TMTC1: variants seen among roughly 807,000 people sequenced by gnomAD.
The protein encoded by TMTC1 is protein O-mannosyl-transferase TMTC1.
TMTC1 carries 73 observed loss-of-function variants against 104.8 expected under a neutral mutation model. The ratio of observed to expected loss-of-function variants is 0.70; its 90% CI spans 0.58 to 0.85. The LOEUF is 0.85. Among genes scored for constraint, TMTC1 ranks in the 40% least tolerant of loss-of-function variants. TMTC1 has a pLI of 0.00. For synonymous variants in TMTC1, 434 were observed against 428.7 expected, an observed-to-expected ratio of 1.01 and a Z score of -0.15; for missense variants, 1,035 against 1,096.1, an observed-to-expected ratio of 0.94 and a Z score of 0.79.
chr12:29,752,128 AACACAC>A (rs146261837), intron 4 of TMTC1, among the ~76,000 whole-genome samples: 4 of 150,308 alleles, frequency 2.7e-5, no homozygotes, highest in Non-Finnish European at 4.4e-5. Flanking sequence ...GATGGCCACC[AACACAC>A]ACACACACAC....
At chr12:29,605,123 G>A (rs159714) in intron 6 of TMTC1, among the ~76,000 whole-genome samples, 34,925 of 151,748 alleles carry the variant, frequency 0.23, 4,898 homozygotes, top group East Asian at 0.38. Context: ...AAAACTTAAT[G>A]TACTGGAGAA....
At chr12:29,774,614 C>A (rs1162343812) in intron 1 of TMTC1, among the ~76,000 whole-genome samples, 1 of 152,162 alleles carries the variant, frequency 6.6e-6, no homozygotes, top group Non-Finnish European at 1.5e-5. Flanking sequence ...TTTTTCCCAA[C>A]CTCTTGCCAT....
At chr12:29,759,042 A>G (rs1943281389) in intron 2 of TMTC1, among the ~76,000 whole-genome samples, 2 of 152,172 alleles carry the variant, frequency 1.3e-5, no homozygotes, top group African/African-American at 4.8e-5. Flanking sequence ...CAGAGCGTCA[A>G]TTCACGGCAT....
chr12:29,572,297 C>T, intron 8 of TMTC1, 79 bp from the exon 9 acceptor site: 1 of 1,209,788 alleles, frequency 8.3e-7, no homozygotes, highest in South Asian at 1.3e-5. Flanking sequence ...TACTCAGTTT[C>T]ATGAACCTGT....
intron 5 of TMTC1, among the ~76,000 whole-genome samples, chr12:29,692,896 T>C (rs1941305518): frequency 6.9e-6 from 1 of 144,048 alleles, no homozygotes; most frequent in Non-Finnish European, 1.5e-5. Flanking sequence ...TGACACAAAA[T>C]AACACGTTTT....
chr12:29,723,810 T>C (rs1942305029), intron 5 of TMTC1, among the ~76,000 whole-genome samples: 1 of 152,118 alleles, frequency 6.6e-6, no homozygotes, highest in Non-Finnish European at 1.5e-5. Flanking sequence ...TGTAGATCAG[T>C]AGTAAAGAAC....
At chr12:29,625,145 G>C (rs1466868066) in intron 6 of TMTC1, among the ~76,000 whole-genome samples, 1 of 152,154 alleles carries the variant, frequency 6.6e-6, no homozygotes, top group Non-Finnish European at 1.5e-5. Context: ...TTATTCTGCT[G>C]ACATTATTAT....
intron 5 of TMTC1, among the ~76,000 whole-genome samples, chr12:29,687,608 T>C (rs1941134922): frequency 6.6e-6 from 1 of 152,208 alleles, no homozygotes. Context: ...ATTTTGATAA[T>C]TGTCCTGGAG....
In TMTC1 at chr12:29,506,583, A is replaced by G. The variant is rs1332998621; in HGVS notation, c.*263T>C. 3 of 420,148 alleles carry G rather than the reference A, an allele frequency of 7.1e-6. No homozygotes were observed. The highest frequency in any genetic ancestry group is 8.7e-6 in the Non-Finnish European group (2 of 231,108). 26.0% of individuals were successfully genotyped at this position (420,148 alleles called of 1,614,324 possible). On this transcript the variant is annotated 3_prime_UTR_variant, in exon 18 of 18. Transcript: ENST00000539277. ...ATCAAGAGAAATCTGGAGTTAAACC[A>G]AACAAAAATCTGTAAAATGTGTAAA...
At chr12:29,526,916 T>C (rs1944364890) in intron 11 of TMTC1, among the ~76,000 whole-genome samples, 1 of 152,180 alleles carries the variant, frequency 6.6e-6, no homozygotes, top group African/African-American at 2.4e-5. Flanking sequence ...ATTAATAATG[T>C]ATTCATAAAA....
intron 5 of TMTC1, among the ~76,000 whole-genome samples, chr12:29,663,271 G>A (rs1270550731): frequency 6.6e-6 from 1 of 152,126 alleles, no homozygotes; most frequent in Non-Finnish European, 1.5e-5. Flanking sequence ...TTCCTTTTCA[G>A]GATGTATCAA....
chr12:29,771,711 A>C (rs1480256195), intron 1 of TMTC1, among the ~76,000 whole-genome samples: 6 of 152,184 alleles, frequency 3.9e-5, no homozygotes, highest in African/African-American at 1.4e-4. Context: ...TGGTATCCAA[A>C]GTGGGGCAGC....
rs113628392 is a variant in TMTC1 at position 29,657,822 on chromosome 12, T to G, written c.939-24486A>C. On this transcript the variant is annotated intron_variant, in intron 5 of 17. Transcript: ENST00000539277. ...CACTGGCAGACATAAAAACAAAATCTAGGCTGGGCACGGTGGTTCACACCT... is the reference window on the plus strand; with the variant it reads ...CACTGGCAGACATAAAAACAAAATCGAGGCTGGGCACGGTGGTTCACACCT... Among the ~76,000 whole-genome samples the G allele has an allele frequency of 6.4e-3, 977 of 152,216 alleles. 12 individuals carry two copies. The highest frequency in any genetic ancestry group is 0.023 in the African/African-American group (945 of 41,530).
chr12:29,763,460 A>G (rs1943396937), intron 2 of TMTC1, among the ~76,000 whole-genome samples: 1 of 152,232 alleles, frequency 6.6e-6, no homozygotes, highest in South Asian at 2.1e-4. Context: ...CATGTTCAGT[A>G]AGTGTGTGTT....
chr12:29,559,379 T>G (rs1945322973), intron 9 of TMTC1, among the ~76,000 whole-genome samples: 1 of 152,194 alleles, frequency 6.6e-6, no homozygotes. Context: ...ATGACCCCAC[T>G]GCCATGTAAA....
At chr12:29,725,993 A>G (rs2136899729) in intron 5 of TMTC1, among the ~76,000 whole-genome samples, 1 of 152,358 alleles carries the variant, frequency 6.6e-6, no homozygotes, top group East Asian at 1.9e-4. Flanking sequence ...AACTGTTTAA[A>G]GATCCAGGCC....
chr12:29,623,289 G>C (rs1937776072), intron 6 of TMTC1, among the ~76,000 whole-genome samples: 1 of 152,210 alleles, frequency 6.6e-6, no homozygotes, highest in South Asian at 2.1e-4. Flanking sequence ...GACTTAATTT[G>C]TCTTACATGC....
rs116163853 is a variant in TMTC1, at chr12:29,707,037, G to A, written c.938+44629C>T. On this transcript the variant is annotated intron_variant, in intron 5 of 17. Transcript: ENST00000539277. ...CTGAAGAACAGAATGGGTCTGGCCTGGAGCCCTTGGGTCCTATGGGGACAG... is the reference window on the plus strand; with the variant it reads ...CTGAAGAACAGAATGGGTCTGGCCTAGAGCCCTTGGGTCCTATGGGGACAG... Among the ~76,000 whole-genome samples, 991 of 152,312 alleles carry A rather than the reference G, an allele frequency of 6.5e-3. 10 individuals carry two copies. The highest frequency in any genetic ancestry group is 0.023 in the African/African-American group (945 of 41,562).
intron 16 of TMTC1, 42 bp downstream of exon 16, chr12:29,514,440 A>C: frequency 6.4e-7 from 1 of 1,574,314 alleles, no homozygotes. Context: ...AATTAATTTT[A>C]ATCTGTGAAT....
Sources: allele counts gnomAD v4.1 joint callset (sites outside exome capture counted in the v4.1 genomes callset), GRCh38; gene constraint gnomAD v4.1.1; transcripts MANE v1.5; gene names NCBI Gene and HGNC (gene_info 2026-07-23, HGNC 2026-07-21).